Variants in CDHR3 observed in about 807,000 individuals in gnomAD.
CDHR3 encodes the protein cadherin-related family member 3.
CDHR3 carries 79 observed loss-of-function variants against 86.6 expected under a neutral mutation model. The ratio of observed to expected loss-of-function variants is 0.91; its 90% CI spans 0.76 to 1.10. CDHR3 has a LOEUF of 1.10. CDHR3 is among the 50% of genes least tolerant of loss of function. The pLI, the probability that CDHR3 is intolerant of heterozygous loss-of-function variation, is 0.00. For synonymous variants in CDHR3, 421 were observed against 402.4 expected (o/e 1.05, Z -0.55); for missense variants, 1,081 against 1,077.6 (o/e 1.00, Z -0.04).
At chr7:105,989,259 A>G (rs777004037) in intron 4 of CDHR3, among the ~76,000 whole-genome samples, 98 of 140,668 alleles carry the variant, frequency 7.0e-4, no homozygotes, top group Non-Finnish European at 1.3e-3. Context: ...GCTCTTTGAG[A>G]CCACCCTCCT....
intron 11 of CDHR3, among the ~76,000 whole-genome samples, chr7:106,017,564 G>GATAC (rs768150807): frequency 7.7e-6 from 1 of 130,548 alleles, no homozygotes. Flanking sequence ...GTCACACACA[G>GATAC]ACACACACAC....
intron 1 of CDHR3, 129 bp downstream of exon 1, chr7:105,963,493 A>G (rs1826358351): frequency 1.0e-6 from 1 of 964,608 alleles, no homozygotes; most frequent in Non-Finnish European, 1.7e-6. Flanking sequence ...TAGCTGCAGT[A>G]ATGAATGAGG....
At position 106,035,082 on chromosome 7, in the gene CDHR3, GAA is replaced by G. The variant is rs56076993; in HGVS notation, c.*2400_*2401del. On this transcript the variant is annotated 3_prime_UTR_variant, in exon 19 of 19. Transcript: ENST00000317716. Reference sequence around the variant, plus strand: ...TGACAAGGGCAAAACTCTGTGTCAAGAAAAAAAAAAAAAAAAGAATAATTAAA... The same window carrying G: ...TGACAAGGGCAAAACTCTGTGTCAAGAAAAAAAAAAAAAAGAATAATTAAA... 0.51 allele frequency among the ~76,000 whole-genome samples: 69,079 copies of G among 136,640 alleles called. 17,034 individuals are homozygous for G. Among genetic ancestry groups the G allele is most frequent in the Middle Eastern group, 0.61 (162 of 266 alleles). The allele number at this position is 136,640 out of a possible 152,430, so 89.6% of individuals were successfully genotyped here.
At chr7:105,979,939 C>T (rs778805298) in intron 2 of CDHR3, among the ~76,000 whole-genome samples, 7 of 152,182 alleles carry the variant, frequency 4.6e-5, no homozygotes, top group African/African-American at 7.2e-5. Context: ...CAGTTGGTTT[C>T]AGCAGGACCC....
At chr7:105,995,653 G>A (rs1441193983) in intron 5 of CDHR3, among the ~76,000 whole-genome samples, 1 of 152,150 alleles carries the variant, frequency 6.6e-6, no homozygotes, top group Non-Finnish European at 1.5e-5. Flanking sequence ...TGTCTTTATT[G>A]ATTAGGTGAC....
intron 17 of CDHR3, among the ~76,000 whole-genome samples, chr7:106,029,002 CACAG>C (rs1433465333): frequency 3.9e-5 from 4 of 103,242 alleles, no homozygotes; most frequent in Non-Finnish European, 4.2e-5. Flanking sequence ...CTTTTTAAGA[CACAG>C]TTTCACTCTG....
intron 16 of CDHR3, 127 bp from the exon 17 acceptor site, chr7:106,028,424 A>G: frequency 9.7e-7 from 1 of 1,033,386 alleles, no homozygotes; most frequent in Non-Finnish European, 1.5e-6. Flanking sequence ...TAGACAGAAC[A>G]ATTCTTTGCT....
intron 7 of CDHR3, among the ~76,000 whole-genome samples, chr7:106,003,264 C>T (rs540839838): frequency 1.3e-5 from 2 of 152,164 alleles, no homozygotes; most frequent in East Asian, 3.9e-4. Flanking sequence ...TTTAATTGCT[C>T]AATAACTCTC....
At chr7:105,980,185 T>C (rs1331781330) in intron 2 of CDHR3, among the ~76,000 whole-genome samples, 6 of 152,250 alleles carry the variant, frequency 3.9e-5, no homozygotes, top group African/African-American at 1.2e-4. Flanking sequence ...TATTTTTGGA[T>C]GTGGCTTTGG....
intron 3 of CDHR3, among the ~76,000 whole-genome samples, chr7:105,981,494 A>G (rs1452297592): frequency 6.6e-6 from 1 of 151,896 alleles, no homozygotes; most frequent in East Asian, 1.9e-4. Flanking sequence ...CTCCCCATGG[A>G]CTCTGACTTC....
chr7:106,005,598 T>A (rs1248776644), intron 8 of CDHR3, among the ~76,000 whole-genome samples: 2 of 152,196 alleles, frequency 1.3e-5, no homozygotes, highest in African/African-American at 4.8e-5. Flanking sequence ...GATGTCCCCA[T>A]GGGGAGAGTC....
At chr7:105,974,511 GT>G (rs1214416581) in intron 1 of CDHR3, among the ~76,000 whole-genome samples, 2 of 111,368 alleles carry the variant, frequency 1.8e-5, no homozygotes, top group Non-Finnish European at 4.3e-5. Flanking sequence ...GCGGATGTCT[GT>G]CTCCTAAGGT....
chr7:106,026,669 T>C lies in CDHR3; in HGVS notation c.2259-13T>C, dbSNP rs779791517. 1 of 1,613,758 alleles carries C rather than the reference T, an allele frequency of 6.2e-7. No homozygotes were observed. The highest frequency in any genetic ancestry group is 8.5e-7 in the Non-Finnish European group (1 of 1,179,648). The stretch of plus-strand genomic sequence containing the variant: ...TTCAAGTGAATTAATAGCCATTCTT[T>C]TTCCCCCCATAGGACAAAGAAAGGA... On this transcript the variant is annotated splice_polypyrimidine_tract_variant and intron_variant, in intron 15 of 18. Transcript: ENST00000317716.
chr7:106,012,500 T>G (rs1310841111), intron 8 of CDHR3, among the ~76,000 whole-genome samples: 3 of 150,038 alleles, frequency 2.0e-5, no homozygotes, highest in South Asian at 2.1e-4. Context: ...AGGAGGAGAG[T>G]GAACAAGGAG....
chr7:105,981,887 C>G (rs1486983572), intron 3 of CDHR3, among the ~76,000 whole-genome samples: 3 of 152,108 alleles, frequency 2.0e-5, no homozygotes, highest in Admixed American at 2.0e-4. Context: ...TGACTCCTCT[C>G]TCTTTCACAC....
chr7:106,021,527 G>C (rs1836568371), intron 13 of CDHR3, among the ~76,000 whole-genome samples: 1 of 152,268 alleles, frequency 6.6e-6, no homozygotes, highest in Non-Finnish European at 1.5e-5. Flanking sequence ...TCTGGAGCCA[G>C]TGGAGGAATG....
chr7:105,987,779 C>T (rs1165952339), intron 4 of CDHR3, among the ~76,000 whole-genome samples: 1 of 152,198 alleles, frequency 6.6e-6, no homozygotes, highest in Non-Finnish European at 1.5e-5. Context: ...ATTTCCAAGT[C>T]CCACTCCTGG....
intron 1 of CDHR3, among the ~76,000 whole-genome samples, chr7:105,963,589 G>A (rs376813098): frequency 1.3e-5 from 2 of 152,204 alleles, no homozygotes; most frequent in African/African-American, 4.8e-5. Flanking sequence ...ATCTATGTTG[G>A]TGTAGACTTC....
At chr7:106,004,864 T>A in intron 8 of CDHR3, 177 bp downstream of exon 8, 2 of 612,756 alleles carry the variant, frequency 3.3e-6, no homozygotes, top group Non-Finnish European at 5.6e-6. Flanking sequence ...CGTCCTTTTT[T>A]CTTCCCTCTC....
Sources: gnomAD v4.1 joint callset for allele counts (sites outside exome capture counted in the v4.1 genomes callset) on GRCh38, gnomAD v4.1.1 for gene constraint, MANE v1.5 for transcripts, NCBI Gene and HGNC (gene_info 2026-07-23, HGNC 2026-07-21) for gene names.